ZNF581: variants seen among roughly 807,000 people sequenced by gnomAD.
ZNF581 encodes the protein zinc finger protein 581.
ZNF581 carries 1 observed loss-of-function variant against 1.2 expected under a neutral mutation model. The observed-to-expected ratio is 0.83, with a 90% CI of 0.30 to 3.95. The LOEUF (loss-of-function observed/expected upper bound fraction) is 3.95, where lower values mean the gene tolerates loss of function less well. Ranked by LOEUF, ZNF581 falls within the 30% of genes most tolerant of loss-of-function variation. The pLI is 0.18. For synonymous variants in ZNF581, 105 were observed against 109.2 expected (o/e 0.96, Z 0.24); for missense variants, 273 against 274.6 (o/e 0.99, Z 0.04).
upstream of ZNF581, chr19:55,642,730 G>A: frequency 6.6e-7 from 1 of 1,515,252 alleles, no homozygotes; most frequent in Non-Finnish European, 8.8e-7. Context: ...AGGAGCCCCG[G>A]GGCCCGCCCC....
chr19:55,641,257 C>G, upstream of ZNF581: 5 of 929,214 alleles, frequency 5.4e-6, no homozygotes, highest in Non-Finnish European at 6.4e-6. Flanking sequence ...GGGGAGTGCG[C>G]TGGAGCCACC....
chr19:55,635,522 T>G (rs1302021368), exon 1 of ZNF581: 2 of 262,632 alleles, frequency 7.6e-6, no homozygotes, highest in African/African-American at 4.6e-5. Context: ...GAGTGGCCTC[T>G]GCCCCCTCTG....
At chr19:55,635,071 G>A (rs1257951379), upstream of ZNF581, 1 of 152,190 alleles carries the variant, frequency 6.6e-6, no homozygotes, top group Non-Finnish European at 1.5e-5. Context: ...ATTGCGGGGA[G>A]TGAGCAGGTT....
chr19:55,638,188 A>G (rs1982206875), upstream of ZNF581, among the ~76,000 whole-genome samples: 1 of 152,144 alleles, frequency 6.6e-6, no homozygotes, highest in African/African-American at 2.4e-5. Flanking sequence ...TAGTTGGCAT[A>G]TCTCATGGTG....
chr19:55,639,692 C>G (rs146719469), upstream of ZNF581, among the ~76,000 whole-genome samples: 11,378 of 152,208 alleles, frequency 0.075, 502 homozygotes, highest in Middle Eastern at 0.15. Context: ...TCTTGGCACA[C>G]TGCAACCTCC....
upstream of ZNF581, among the ~76,000 whole-genome samples, chr19:55,638,910 CAGG>C (rs1296940497): frequency 1.4e-5 from 2 of 143,006 alleles, no homozygotes; most frequent in African/African-American, 2.6e-5. Flanking sequence ...GAGGTGGAAA[CAGG>C]AGAATCACCT....
chr19:55,638,108 CGTG>C (rs1982202710), upstream of ZNF581, among the ~76,000 whole-genome samples: 1 of 152,088 alleles, frequency 6.6e-6, no homozygotes, highest in South Asian at 2.1e-4. Flanking sequence ...CTATACAGGA[CGTG>C]TGGTCCTGGC....
chr19:55,636,631 G>C (rs1232352564), upstream of ZNF581, among the ~76,000 whole-genome samples: 1 of 152,202 alleles, frequency 6.6e-6, no homozygotes, highest in East Asian at 1.9e-4. Context: ...GCCTTGGAGA[G>C]TGGGGAAGGC....
In ZNF581 at chr19:55,644,877, T is replaced by A; in HGVS notation, c.306T>A (p.Leu102=). Residue 102 remains leucine (L), a synonymous_variant, in exon 2 of 2, where the codon CTT becomes CTA. Transcript: ENST00000270451. The surrounding 1 kb of genome is among the most constrained non-coding windows in gnomAD (Gnocchi z 4.3). ...GGGTCTTCGAGTACATGTCCTACCT[T>A]CAGCGACACAGCATCACCCACTCGG... The part of the protein sequence containing the change: ...CSRVFEYMSY[L]QRHSITHSEV... The A allele has an allele frequency of 1.9e-6, 3 of 1,613,836 alleles. No homozygotes were observed. The highest frequency in any genetic ancestry group is 2.5e-6 in the Non-Finnish European group (3 of 1,179,796).
chr19:55,645,051 G>A lies in ZNF581; in HGVS notation c.480G>A (p.Leu160=), dbSNP rs1389143304. The A allele has an allele frequency of 6.3e-7, 1 of 1,579,622 alleles. No individual in the cohort carries two copies. The highest frequency in any genetic ancestry group is 8.6e-7 in the Non-Finnish European group (1 of 1,156,772). ...GCCGCTTCCGGGATGCGGGTGAGCT[G>A]GCCCAGCACAGCCGGGTGCACTCTG... ...CPRRFRDAGE[L]AQHSRVHSGE... The change falls in exon 2 of 2, where the codon CTG becomes CTA. Residue 160 remains leucine (L), a synonymous_variant. Transcript: ENST00000270451.
upstream of ZNF581, among the ~76,000 whole-genome samples, chr19:55,638,813 C>A (rs79334978): frequency 2.0e-5 from 3 of 151,704 alleles, no homozygotes; most frequent in African/African-American, 7.3e-5. Flanking sequence ...TATGGTGAAA[C>A]CTGTCTCTAC....
chr19:55,641,283 G>T, upstream of ZNF581: 2 of 761,470 alleles, frequency 2.6e-6, no homozygotes, highest in Non-Finnish European at 3.2e-6. Flanking sequence ...TGGGGGTGGG[G>T]GTCGGGAGCG....
At chr19:55,643,193 AC>A (rs1982641901), upstream of ZNF581, 4 of 1,166,448 alleles carry the variant, frequency 3.4e-6, no homozygotes, top group Non-Finnish European at 4.4e-6. Context: ...TTCCTTCCTT[AC>A]CCCCTTTCTA....
chr19:55,639,416 C>T (rs549619218), upstream of ZNF581, among the ~76,000 whole-genome samples: 1 of 152,272 alleles, frequency 6.6e-6, no homozygotes, highest in East Asian at 1.9e-4. Context: ...CCACTGCACT[C>T]CAGCGTGGGC....
chr19:55,635,341 C>G (rs945632593), upstream of ZNF581: 1 of 152,220 alleles, frequency 6.6e-6, no homozygotes, highest in Non-Finnish European at 1.5e-5. Flanking sequence ...GGGGCTATTT[C>G]CCATGGGAAG....
Position 55,644,800 on chromosome 19 carries a change from G to C in ZNF581, c.229G>C (p.Ala77Pro), listed in dbSNP as rs775194868. Residue 77 changes from alanine (A) to proline (P), a missense_variant, in exon 2 of 2, where the codon GCC becomes CCC. Physicochemically the swap from Ala to Pro is conservative, Grantham distance 27 (BLOSUM62 -1). Coordinates refer to ENST00000270451, the MANE Select transcript of ZNF581 (RefSeq NM_016535.4). This position sits in a 1 kb window ranked among gnomAD's most constrained non-coding sequence, Gnocchi z 4.3. ...CGAGGAGTCACAGAGGGAGCCAGGGGCCAGTGGGGCTCCAGGCCAGAAAAA... is the reference window on the plus strand; with the variant it reads ...CGAGGAGTCACAGAGGGAGCCAGGGCCCAGTGGGGCTCCAGGCCAGAAAAA... ...VDEESQREPG[A>P]SGAPGQKKCY... 1.9e-6 allele frequency: 3 copies of C among 1,612,778 alleles called. No individual in the cohort carries two copies. Among genetic ancestry groups the C allele is most frequent in the Non-Finnish European group, 2.5e-6 (3 of 1,178,852 alleles).
At chr19:55,635,665 G>A (rs1600032212) in exon 1 of ZNF581, 1 of 988,176 alleles carries the variant, frequency 1.0e-6, no homozygotes, top group Non-Finnish European at 1.2e-6. Context: ...CAAGATTTGA[G>A]GTGTAAATGG....
chr19:55,641,272 A>C, upstream of ZNF581: 5 of 803,480 alleles, frequency 6.2e-6, no homozygotes, highest in East Asian at 1.3e-4. Context: ...GCCACCCGGG[A>C]TGGGGGTGGG....
At chr19:55,640,537 TC>T, upstream of ZNF581, 2 of 985,410 alleles carry the variant, frequency 2.0e-6, no homozygotes, top group Non-Finnish European at 2.4e-6. Flanking sequence ...GAACATACCT[TC>T]CCCAACTATC....
Sources: allele counts gnomAD v4.1 joint callset (sites outside exome capture counted in the v4.1 genomes callset), GRCh38; gene constraint gnomAD v4.1.1; non-coding constraint Gnocchi (gnomAD v3.1); transcripts MANE v1.5; gene names NCBI Gene and HGNC (gene_info 2026-07-23, HGNC 2026-07-21).